COL21A1: variants seen among roughly 807,000 people sequenced by gnomAD.
The protein encoded by COL21A1 is collagen alpha-1(XXI) chain.
A neutral mutation model predicts 137.9 loss-of-function variants in COL21A1; 149 were observed. The observed-to-expected ratio is 1.08, with a 90% confidence interval of 0.95 to 1.24. The LOEUF (loss-of-function observed/expected upper bound fraction) is 1.24. Among genes scored for constraint, COL21A1 ranks in the 50% most tolerant of loss-of-function variants. The pLI is 0.00. For missense variants in COL21A1, 1,167 were observed against 1,158.4 expected, an observed-to-expected ratio of 1.01 and a Z score of -0.11; for synonymous variants, 456 against 391.5, an observed-to-expected ratio of 1.16 and a Z score of -1.95.
chr6:56,101,223 G>A (rs1582356080), intron 17 of COL21A1, among the ~76,000 whole-genome samples: 1 of 152,150 alleles, frequency 6.6e-6, no homozygotes, highest in Non-Finnish European at 1.5e-5. Flanking sequence ...TGTTAACCAT[G>A]CATTTCTTTG....
chr6:56,090,631 A>T (rs1229687611), intron 17 of COL21A1, among the ~76,000 whole-genome samples: 1 of 152,202 alleles, frequency 6.6e-6, no homozygotes, highest in South Asian at 2.1e-4. Context: ...TTCAAAATGC[A>T]TTATAAGAGT....
intron 1 of COL21A1, among the ~76,000 whole-genome samples, chr6:56,256,543 C>T (rs1012914493): frequency 6.6e-6 from 1 of 152,038 alleles, no homozygotes; most frequent in African/African-American, 2.4e-5. Flanking sequence ...ATCAGCATAA[C>T]TTATGTGCAG....
intron 12 of COL21A1, among the ~76,000 whole-genome samples, chr6:56,128,411 C>T (rs1300598058): frequency 6.6e-6 from 1 of 152,120 alleles, no homozygotes; most frequent in Non-Finnish European, 1.5e-5. Flanking sequence ...TTATTGTCAG[C>T]TCATATGGAA....
At chr6:56,112,229 C>A (rs12190930) in intron 16 of COL21A1, among the ~76,000 whole-genome samples, 22,855 of 151,962 alleles carry the variant, frequency 0.15, 1,749 homozygotes, top group Middle Eastern at 0.22. Context: ...CTGAATCTCC[C>A]TATGGGAAAA....
chr6:56,294,718 G>A (rs1448650837), intron 1 of COL21A1, among the ~76,000 whole-genome samples: 1 of 151,974 alleles, frequency 6.6e-6, no homozygotes, highest in African/African-American at 2.4e-5. Flanking sequence ...ATGATGTTGA[G>A]TATCTCCTGT....
chr6:56,142,051 C>T (rs1774456994), intron 10 of COL21A1, 68 bp from the exon 11 acceptor site: 2 of 1,138,350 alleles, frequency 1.8e-6, no homozygotes, highest in Non-Finnish European at 1.2e-6. Context: ...TTCTTCGTTT[C>T]AGAATTCACT....
intron 1 of COL21A1, among the ~76,000 whole-genome samples, chr6:56,204,803 G>C (rs548025274): frequency 4.6e-5 from 7 of 152,316 alleles, no homozygotes; most frequent in African/African-American, 1.7e-4. Flanking sequence ...AATTTTTGCT[G>C]TTCTGTAGCG....
intron 1 of COL21A1, among the ~76,000 whole-genome samples, chr6:56,355,270 G>A (rs970824841): frequency 2.6e-5 from 4 of 152,166 alleles, no homozygotes; most frequent in African/African-American, 9.7e-5. Flanking sequence ...ACTTCTAAAT[G>A]TAACTGCCAA....
chr6:56,097,837 A>C lies in COL21A1; in HGVS notation c.1812+3635T>G, dbSNP rs1378919072. ...TATATAAATACATATAAATATATATAAATATATAAATATATATAAATATAT... is the reference window on the plus strand; with the variant it reads ...TATATAAATACATATAAATATATATCAATATATAAATATATATAAATATAT... On this transcript the variant is annotated intron_variant, in intron 17 of 29. Transcript: ENST00000244728. Among the ~76,000 whole-genome samples the C allele has an allele frequency of 4.1e-5, 2 of 48,952 alleles. 1 individual carries two copies. Among genetic ancestry groups the C allele is most frequent in the Non-Finnish European group, 7.1e-5 (2 of 28,272 alleles). The allele number at this position is 48,952 out of a possible 152,430, so 32.1% of individuals were successfully genotyped here.
At position 56,098,361 on chromosome 6, in the gene COL21A1, ATG is replaced by A. The variant is rs1401341435; in HGVS notation, c.1812+3109_1812+3110del. Among the ~76,000 whole-genome samples the A allele has an allele frequency of 4.8e-4, 22 of 45,936 alleles. 1 individual carries two copies. Among genetic ancestry groups the A allele is most frequent in the Admixed American group, 8.6e-4 (2 of 2,336 alleles). 30.1% of individuals were successfully genotyped at this position (45,936 alleles called of 152,430 possible). ...CATATGTAAATATATAAATATATATATGAATATATATAAATATATATAAATAT... is the reference window on the plus strand; with the variant it reads ...CATATGTAAATATATAAATATATATAAATATATATAAATATATATAAATAT... On this transcript the variant is annotated intron_variant, in intron 17 of 29. Transcript: ENST00000244728.
chr6:56,072,914 C>T (rs1041172702), intron 20 of COL21A1, among the ~76,000 whole-genome samples: 1 of 151,162 alleles, frequency 6.6e-6, no homozygotes, highest in Non-Finnish European at 1.5e-5. Context: ...TGCAGAAAAC[C>T]AACTTTAGAG....
intron 1 of COL21A1, among the ~76,000 whole-genome samples, chr6:56,239,556 C>A (rs1782135233): frequency 6.6e-6 from 1 of 151,830 alleles, no homozygotes; most frequent in Non-Finnish European, 1.5e-5. Flanking sequence ...AGCCATAATT[C>A]AAATTTAAAA....
At chr6:56,260,515 A>C (rs1763224632) in intron 1 of COL21A1, among the ~76,000 whole-genome samples, 1 of 151,084 alleles carries the variant, frequency 6.6e-6, no homozygotes, top group East Asian at 1.9e-4. Flanking sequence ...TGGAGGTTGC[A>C]GTGAACCAAG....
At chr6:56,342,596 T>TA (rs1765495118) in intron 1 of COL21A1, among the ~76,000 whole-genome samples, 1 of 152,194 alleles carries the variant, frequency 6.6e-6, no homozygotes, top group Admixed American at 6.5e-5. Context: ...CCATCGACTA[T>TA]ATATGTCATT....
chr6:56,383,007 C>A (rs907561808), intron 1 of COL21A1, among the ~76,000 whole-genome samples: 1 of 152,170 alleles, frequency 6.6e-6, no homozygotes, highest in Non-Finnish European at 1.5e-5. Flanking sequence ...ACTTCCTCCT[C>A]CTCCCAATTA....
At chr6:56,060,241 A>T in intron 27 of COL21A1, 23 bp from the exon 28 acceptor site, 1 of 1,549,836 alleles carries the variant, frequency 6.5e-7, no homozygotes, top group Non-Finnish European at 8.7e-7. Context: ...AAGAAACCCC[A>T]TCCCTTATGT....
chr6:56,321,764 A>G (rs890120842), intron 1 of COL21A1, among the ~76,000 whole-genome samples: 1 of 152,104 alleles, frequency 6.6e-6, no homozygotes, highest in Non-Finnish European at 1.5e-5. Flanking sequence ...ACAATGACCA[A>G]CTGAGAGAAT....
At chr6:56,088,604 C>T (rs1170535733) in intron 17 of COL21A1, among the ~76,000 whole-genome samples, 1 of 152,100 alleles carries the variant, frequency 6.6e-6, no homozygotes, top group Non-Finnish European at 1.5e-5. Context: ...GCAATTGCAG[C>T]AGCAGACCTC....
chr6:56,225,771 A>G (rs1277406557), intron 1 of COL21A1: 2 of 152,034 alleles, frequency 1.3e-5, no homozygotes, highest in Non-Finnish European at 2.9e-5. Context: ...AACAAAAAAG[A>G]GTATTTTGAA....
Sources: allele counts gnomAD v4.1 joint callset (sites outside exome capture counted in the v4.1 genomes callset), GRCh38; gene constraint gnomAD v4.1.1; transcripts MANE v1.5; gene names NCBI Gene and HGNC (gene_info 2026-07-23, HGNC 2026-07-21).